MLLT3: variants seen among roughly 807,000 people sequenced by gnomAD.
MLLT3 encodes the protein MLLT3 super elongation complex subunit, also known as protein AF-9.
MLLT3 carries 4 observed loss-of-function variants against 53.2 expected under a neutral mutation model. The observed-to-expected ratio is 0.08, with a 90% CI of 0.04 to 0.17. MLLT3 has a LOEUF of 0.17. Ranked by LOEUF, MLLT3 falls within the 10% of genes least tolerant of loss-of-function variation. The probability of loss-of-function intolerance (pLI) is 1.00; values close to 1 mark genes in which losing one functional copy is unlikely to be tolerated. For synonymous variants in MLLT3, 283 were observed against 230.6 expected, an observed-to-expected ratio of 1.23 and a Z score of -2.06; for missense variants, 569 against 684.0, an observed-to-expected ratio of 0.83 and a Z score of 1.87.
At chr9:20,529,724 C>CTTTTTTTTTTT (rs5896896) in intron 2 of MLLT3, among the ~76,000 whole-genome samples, 5 of 76,410 alleles carry the variant, frequency 6.5e-5, no homozygotes, top group Non-Finnish European at 7.1e-5. Context: ...TAATCCAATC[C>CTTTTTTTTTTT]TTTTTTTTTT....
intron 2 of MLLT3, among the ~76,000 whole-genome samples, chr9:20,550,357 T>C (rs190875478): frequency 2.7e-4 from 41 of 152,316 alleles, no homozygotes; most frequent in African/African-American, 9.9e-4. Flanking sequence ...ACCCTATTGT[T>C]CTTATTGTAT....
chr9:20,372,629 C>T (rs984469903), intron 5 of MLLT3, among the ~76,000 whole-genome samples: 4 of 137,356 alleles, frequency 2.9e-5, no homozygotes, highest in Non-Finnish European at 3.0e-5. Context: ...AGGATGGTCT[C>T]GATCTCCTGA....
rs1222707265 is a variant in MLLT3, at chr9:20,621,429, G to A, written c.13-595C>T. 7.9e-5 allele frequency among the ~76,000 whole-genome samples: 12 copies of A among 152,102 alleles called. No individual in the cohort carries two copies. Among genetic ancestry groups the A allele is most frequent in the Admixed American group, 7.9e-4 (12 of 15,282 alleles). On this transcript the variant is annotated intron_variant, in intron 1 of 10. Coordinates refer to ENST00000380338, the MANE Select transcript of MLLT3 (RefSeq NM_004529.4). This position sits in a 1 kb window ranked among gnomAD's most constrained non-coding sequence, Gnocchi z 7.0. ...CGGGGTTCGTGCACAACAAAAATGA[G>A]ACGTCGTCATACACACTGAAACACA...
In MLLT3 at chr9:20,362,456, T is replaced by C. The variant is rs374687935; in HGVS notation, c.1331+1020A>G. Among the ~76,000 whole-genome samples the C allele has an allele frequency of 3.6e-3, 554 of 152,324 alleles. 4 individuals are homozygous for C. The highest frequency in any genetic ancestry group is 6.5e-3 in the Non-Finnish European group (439 of 68,032). On this transcript the variant is annotated intron_variant, in intron 7 of 10. Transcript: ENST00000380338. ...CTTTTTTCCCTATCAGTTTCCTTTT[T>C]ATCAGACAAAAGACTTCTAAAGGGA...
intron 5 of MLLT3, among the ~76,000 whole-genome samples, chr9:20,398,510 G>C (rs1325161480): frequency 1.3e-5 from 2 of 152,142 alleles, no homozygotes; most frequent in Non-Finnish European, 2.9e-5. Flanking sequence ...GAAATTGGGG[G>C]AGTGGGGGAA....
intron 10 of MLLT3, among the ~76,000 whole-genome samples, chr9:20,350,594 CAAAAAAA>C (rs1820997305): frequency 8.1e-6 from 1 of 124,028 alleles, no homozygotes; most frequent in Non-Finnish European, 1.5e-5. Flanking sequence ...GACTCCGTCT[CAAAAAAA>C]GAAAGAAAGA....
At chr9:20,447,976 C>T in intron 4 of MLLT3, 147 bp downstream of exon 4, 1 of 758,584 alleles carries the variant, frequency 1.3e-6, no homozygotes, top group Non-Finnish European at 2.1e-6. Context: ...CACATGAATC[C>T]ACAGCTAAGC....
chr9:20,353,682 G>T, intron 9 of MLLT3, 86 bp from the exon 10 acceptor site: 2 of 1,147,912 alleles, frequency 1.7e-6, no homozygotes, highest in South Asian at 1.3e-5. Flanking sequence ...GAACACACAG[G>T]CAGCAGCAGC....
At chr9:20,504,397 T>C (rs756597513) in intron 2 of MLLT3, among the ~76,000 whole-genome samples, 1 of 151,756 alleles carries the variant, frequency 6.6e-6, no homozygotes, top group South Asian at 2.1e-4. Flanking sequence ...TATTAAAGGC[T>C]GAATACTATT....
rs1266777415 is a variant in MLLT3 at position 20,459,432 on chromosome 9, A to AGGGG, written c.194-2647_194-2646insCCCC. Among the ~76,000 whole-genome samples, 7 of 152,342 alleles carry AGGGG rather than the reference A, an allele frequency of 4.6e-5. No individual in the cohort carries two copies. The East Asian group carries it at 1.4e-3, about 29-fold the overall frequency. ...GAGAGTCTCACTAAACGCATTGAGCAGCCCCCACCCCACCTTAGCAAGAAG... is the reference window on the plus strand; with the variant it reads ...GAGAGTCTCACTAAACGCATTGAGCAGGGGGCCCCCACCCCACCTTAGCAAGAAG... On this transcript the variant is annotated intron_variant, in intron 2 of 10. Coordinates refer to ENST00000380338, the MANE Select transcript of MLLT3 (RefSeq NM_004529.4).
chr9:20,573,192 T>TG (rs1452222151), intron 2 of MLLT3, among the ~76,000 whole-genome samples: 86 of 148,322 alleles, frequency 5.8e-4, no homozygotes, highest in Middle Eastern at 6.9e-3. Context: ...TGTTTTGTTT[T>TG]TTTTTTTTGA....
Position 20,439,609 on chromosome 9 carries a change from C to G in MLLT3, c.420+8514G>C, listed in dbSNP as rs193273629. ...ACCAGGAAGGGGAGTGGGGGGATGG[C>G]GGAGAAAGAAAGCAATAGAACACAT... is the stretch of plus-strand genomic sequence containing the variant. On this transcript the variant is annotated intron_variant, in intron 4 of 10. Transcript: ENST00000380338. 2.5e-3 allele frequency among the ~76,000 whole-genome samples: 383 copies of G among 151,652 alleles called. 2 individuals carry two copies. Among genetic ancestry groups the G allele is most frequent in the African/African-American group, 8.8e-3 (363 of 41,350 alleles).
chr9:20,471,201 T>A (rs927549717), intron 2 of MLLT3, among the ~76,000 whole-genome samples: 5 of 152,092 alleles, frequency 3.3e-5, no homozygotes, highest in African/African-American at 1.2e-4. Flanking sequence ...TTGTGCTGGA[T>A]GCTTATATGA....
At chr9:20,579,098 G>A (rs180883531) in intron 2 of MLLT3, among the ~76,000 whole-genome samples, 15 of 152,248 alleles carry the variant, frequency 9.9e-5, no homozygotes, top group Admixed American at 7.8e-4. Context: ...ATGATAGCTC[G>A]TGCCTGTAAT....
At chr9:20,513,090 T>C (rs1014523892) in intron 2 of MLLT3, among the ~76,000 whole-genome samples, 4 of 152,230 alleles carry the variant, frequency 2.6e-5, no homozygotes, top group Non-Finnish European at 4.4e-5. Context: ...CTTGCCCTGA[T>C]AGGGCTCTAG....
chr9:20,545,053 C>G lies in MLLT3; in HGVS notation c.193+75601G>C, dbSNP rs1818749193. ...GAGGTTACAGAAAGCCATGATCACGCCACTGCAATCCAGCCTGGGTGACAC... is the reference window on the plus strand; with the variant it reads ...GAGGTTACAGAAAGCCATGATCACGGCACTGCAATCCAGCCTGGGTGACAC... On this transcript the variant is annotated intron_variant, in intron 2 of 10. Transcript: ENST00000380338. Among the ~76,000 whole-genome samples the G allele has an allele frequency of 2.1e-5, 3 of 139,658 alleles. No individual in the cohort carries two copies. The South Asian group carries it at 6.8e-4, about 32-fold the overall frequency. The allele number at this position is 139,658 out of a possible 152,430, so 91.6% of individuals were successfully genotyped here.
intron 3 of MLLT3, among the ~76,000 whole-genome samples, chr9:20,452,849 C>A (rs1473648781): frequency 6.6e-6 from 1 of 152,074 alleles, no homozygotes; most frequent in Non-Finnish European, 1.5e-5. Flanking sequence ...CGGTGGTTAC[C>A]ATGGGCTGGG....
At chr9:20,424,873 A>G (rs1823103450) in intron 4 of MLLT3, among the ~76,000 whole-genome samples, 1 of 152,166 alleles carries the variant, frequency 6.6e-6, no homozygotes, top group Non-Finnish European at 1.5e-5. Flanking sequence ...AAAGCTTAAT[A>G]TATGTAAAGT....
At chr9:20,570,616 T>C (rs958468237) in intron 2 of MLLT3, among the ~76,000 whole-genome samples, 3 of 152,210 alleles carry the variant, frequency 2.0e-5, no homozygotes, top group African/African-American at 7.2e-5. Context: ...TTGTGAACCT[T>C]ACCAATTTTT....
Sources: allele counts gnomAD v4.1 joint callset (sites outside exome capture counted in the v4.1 genomes callset), GRCh38; gene constraint gnomAD v4.1.1; non-coding constraint Gnocchi (gnomAD v3.1); transcripts MANE v1.5; gene names NCBI Gene and HGNC (gene_info 2026-07-23, HGNC 2026-07-21).